The following MAGI2 variants were observed in gnomAD, a reference collection of about 807,000 sequenced individuals.
MAGI2 encodes the protein membrane-associated guanylate kinase, WW and PDZ domain-containing protein 2.
Under a neutral mutation model 133.3 loss-of-function variants are expected in MAGI2, and 35 were observed. The ratio of observed to expected loss-of-function variants is 0.26; its 90% confidence interval spans 0.20 to 0.35. The LOEUF (loss-of-function observed/expected upper bound fraction) is 0.35. Among genes scored for constraint, MAGI2 ranks in the 10% least tolerant of loss-of-function variants. The pLI is 1.00. For synonymous variants in MAGI2, 729 were observed against 710.6 expected, an observed-to-expected ratio of 1.03 and a Z score of -0.41; for missense variants, 1,636 against 1,863.4, an observed-to-expected ratio of 0.88 and a Z score of 2.25.
chr7:78,194,190 C>A (rs1303338470), intron 12 of MAGI2, among the ~76,000 whole-genome samples: 1 of 152,110 alleles, frequency 6.6e-6, no homozygotes, highest in African/African-American at 2.4e-5. Context: ...AGATGACTTG[C>A]AAGATGGTAG....
At chr7:78,890,192 T>G (rs9719651) in intron 2 of MAGI2, among the ~76,000 whole-genome samples, 74,680 of 151,772 alleles carry the variant, frequency 0.49, 19,789 homozygotes, top group South Asian at 0.68. Flanking sequence ...CTAAATATAT[T>G]GGCACCCAGT....
chr7:78,636,754 T>C (rs764955928), intron 2 of MAGI2, among the ~76,000 whole-genome samples: 22 of 152,044 alleles, frequency 1.4e-4, no homozygotes, highest in Non-Finnish European at 2.5e-4. Context: ...GTCGAGATCG[T>C]GCCACTGCAT....
chr7:78,047,332 A>C (rs1811537848), intron 21 of MAGI2, among the ~76,000 whole-genome samples: 1 of 152,160 alleles, frequency 6.6e-6, no homozygotes, highest in African/African-American at 2.4e-5. Flanking sequence ...CCTGGGGAGG[A>C]GAAAATGAAC....
At chr7:78,165,408 T>C (rs1825526170) in intron 15 of MAGI2, among the ~76,000 whole-genome samples, 2 of 152,190 alleles carry the variant, frequency 1.3e-5, no homozygotes, top group Admixed American at 6.5e-5. Flanking sequence ...GTTATCTTAG[T>C]TTTTGCTCAG....
chr7:78,776,045 C>T (rs1256114164), intron 2 of MAGI2, among the ~76,000 whole-genome samples: 2 of 152,196 alleles, frequency 1.3e-5, no homozygotes, highest in Non-Finnish European at 2.9e-5. Flanking sequence ...GGCAAGTCAT[C>T]CAAACTCTCT....
chr7:78,575,809 T>C (rs1055750266), intron 3 of MAGI2, among the ~76,000 whole-genome samples: 2 of 152,064 alleles, frequency 1.3e-5, no homozygotes, highest in Non-Finnish European at 2.9e-5. Context: ...ATCTGAGAAA[T>C]TGTCACAATC....
At chr7:78,614,151 G>A (rs1214359369) in intron 3 of MAGI2, among the ~76,000 whole-genome samples, 1 of 151,620 alleles carries the variant, frequency 6.6e-6, no homozygotes, top group Non-Finnish European at 1.5e-5. Flanking sequence ...CTGTGAATGT[G>A]GGCCTTTCAG....
At chr7:78,064,317 C>CTTGTGTGTGTG (rs71085506) in intron 21 of MAGI2, among the ~76,000 whole-genome samples, 1,863 of 127,588 alleles carry the variant, frequency 0.015, 15 homozygotes, top group Non-Finnish European at 0.021. Flanking sequence ...CAAGGAATGA[C>CTTGTGTGTGTG]TGTGATGGTT....
chr7:78,464,442 C>T (rs1480242353), intron 6 of MAGI2, among the ~76,000 whole-genome samples: 1 of 152,122 alleles, frequency 6.6e-6, no homozygotes, highest in African/African-American at 2.4e-5. Flanking sequence ...TTTGTGTCAA[C>T]CCTACTGCTC....
chr7:78,848,340 G>A (rs1054829657), intron 2 of MAGI2, among the ~76,000 whole-genome samples: 7 of 151,786 alleles, frequency 4.6e-5, no homozygotes, highest in Non-Finnish European at 1.0e-4. Context: ...TCTGCCCAGG[G>A]ACATCACAAA....
At chr7:78,100,906 A>T (rs1463026909) in intron 20 of MAGI2, among the ~76,000 whole-genome samples, 6 of 152,198 alleles carry the variant, frequency 3.9e-5, no homozygotes. Context: ...TCTATACATT[A>T]ACAATGTTAT....
intron 4 of MAGI2, among the ~76,000 whole-genome samples, chr7:78,507,137 C>T (rs191270396): frequency 6.8e-4 from 104 of 152,240 alleles, no homozygotes; most frequent in African/African-American, 2.4e-3. Flanking sequence ...TTTTATCAGG[C>T]TGCTGTGAAC....
Position 78,330,754 on chromosome 7 carries a change from C to T in MAGI2, c.1408+13024G>A, listed in dbSNP as rs1584901900. Among the ~76,000 whole-genome samples the T allele has an allele frequency of 2.0e-5, 3 of 151,270 alleles. No individual in the cohort carries two copies. In the South Asian group the frequency reaches 6.3e-4, roughly 32 times the overall value. On this transcript the variant is annotated intron_variant, in intron 9 of 21. Transcript: ENST00000354212. ...GATCAAGTCAGACACAGGTTTTGAT[C>T]TCAATGAACTTATTATAGTCAGGTT...
chr7:78,332,606 G>A (rs1021152367), intron 9 of MAGI2, among the ~76,000 whole-genome samples: 2 of 151,554 alleles, frequency 1.3e-5, no homozygotes, highest in Admixed American at 6.6e-5. Context: ...GCTGAGGCAG[G>A]AGAATGGTGT....
intron 3 of MAGI2, chr7:78,617,807 T>A (rs1807269850): frequency 6.6e-6 from 1 of 152,012 alleles, no homozygotes; most frequent in South Asian, 2.1e-4. Flanking sequence ...TGGTTGGATA[T>A]CAATGATTTA....
At chr7:78,212,556 C>T (rs1344343245) in intron 10 of MAGI2, among the ~76,000 whole-genome samples, 1 of 152,176 alleles carries the variant, frequency 6.6e-6, no homozygotes, top group East Asian at 1.9e-4. Flanking sequence ...GTTGTGCTGA[C>T]ATTTTGATTT....
chr7:79,377,706 A>G (rs1488076964), intron 1 of MAGI2, among the ~76,000 whole-genome samples: 1 of 151,862 alleles, frequency 6.6e-6, no homozygotes, highest in Non-Finnish European at 1.5e-5. Context: ...CAGCAGCAGC[A>G]GAGAGGCATC....
chr7:78,676,904 G>A (rs1319376579), intron 2 of MAGI2, among the ~76,000 whole-genome samples: 1 of 151,994 alleles, frequency 6.6e-6, no homozygotes, highest in African/African-American at 2.4e-5. Context: ...AACAAATAAA[G>A]CATTCCCTTG....
intron 3 of MAGI2, chr7:78,619,006 A>T (rs1031524121): frequency 1.5e-4 from 3 of 20,262 alleles, no homozygotes; most frequent in East Asian, 4.6e-4. Context: ...CAAAATCGCT[A>T]AAAAAAAAAA....
Sources: allele counts gnomAD v4.1 joint callset (sites outside exome capture counted in the v4.1 genomes callset), GRCh38; gene constraint gnomAD v4.1.1; transcripts MANE v1.5; gene names NCBI Gene and HGNC (gene_info 2026-07-23, HGNC 2026-07-21).